MAP4K3: variants seen among roughly 807,000 people sequenced by gnomAD.
MAP4K3 encodes the protein MAPK/ERK kinase kinase kinase 3.
In MAP4K3, 94 loss-of-function variants were observed where a neutral mutation model predicts 143.5. The ratio of observed to expected loss-of-function variants is 0.65; its 90% confidence interval spans 0.55 to 0.78. MAP4K3 has a LOEUF of 0.78. Ranked by LOEUF, MAP4K3 falls within the 30% of genes least tolerant of loss-of-function variation. The pLI is 0.00. For synonymous variants in MAP4K3, 416 were observed against 347.2 expected (o/e 1.20, Z -2.20); for missense variants, 1,077 against 1,068.1 (o/e 1.01, Z -0.12).
At chr2:39,413,599 A>C (rs1255885161) in intron 1 of MAP4K3, among the ~76,000 whole-genome samples, 1 of 152,082 alleles carries the variant, frequency 6.6e-6, no homozygotes, top group Admixed American at 6.6e-5. Context: ...GCAAAGTAAA[A>C]AGGTAGAGGT....
At chr2:39,269,876 T>C (rs1680940108) in intron 26 of MAP4K3, among the ~76,000 whole-genome samples, 1 of 152,192 alleles carries the variant, frequency 6.6e-6, no homozygotes, top group South Asian at 2.1e-4. Context: ...TTTTACATTA[T>C]AACTTACAAT....
chr2:39,388,788 T>A (rs1473100741), intron 1 of MAP4K3, among the ~76,000 whole-genome samples: 1 of 152,216 alleles, frequency 6.6e-6, no homozygotes, highest in Non-Finnish European at 1.5e-5. Flanking sequence ...GAAATAAATT[T>A]AAGTTGTTTC....
At chr2:39,307,427 T>A (rs1259029666) in intron 15 of MAP4K3, among the ~76,000 whole-genome samples, 1 of 152,060 alleles carries the variant, frequency 6.6e-6, no homozygotes. Context: ...AAACTTCATC[T>A]GAGAATGATT....
chr2:39,346,603 C>T (rs1278444834), intron 3 of MAP4K3, among the ~76,000 whole-genome samples: 1 of 152,096 alleles, frequency 6.6e-6, no homozygotes, highest in African/African-American at 2.4e-5. Flanking sequence ...TGGAAATACA[C>T]CTCTCCACTC....
chr2:39,311,276 A>G (rs183538046), intron 13 of MAP4K3, among the ~76,000 whole-genome samples: 9 of 152,150 alleles, frequency 5.9e-5, no homozygotes, highest in Middle Eastern at 3.4e-3. Flanking sequence ...ATGGGCTTTC[A>G]CCATGTTGGC....
intron 1 of MAP4K3, among the ~76,000 whole-genome samples, chr2:39,417,362 G>C (rs1667412020): frequency 6.6e-6 from 1 of 152,090 alleles, no homozygotes; most frequent in Admixed American, 6.6e-5. Flanking sequence ...TGGGACTACA[G>C]GCGCCTGTCA....
intron 22 of MAP4K3, among the ~76,000 whole-genome samples, chr2:39,280,980 A>T (rs12624242): frequency 6.6e-6 from 1 of 152,076 alleles, no homozygotes; most frequent in Non-Finnish European, 1.5e-5. Flanking sequence ...TCAGATAATA[A>T]ATATATCATA....
At chr2:39,397,630 T>C (rs983676215) in intron 1 of MAP4K3, among the ~76,000 whole-genome samples, 4 of 152,298 alleles carry the variant, frequency 2.6e-5, no homozygotes, top group East Asian at 3.9e-4. Context: ...AAAGATCTTA[T>C]TGAAAAATAA....
At chr2:39,355,359 CAAA>C (rs34355105) in intron 3 of MAP4K3, among the ~76,000 whole-genome samples, 3 of 34,538 alleles carry the variant, frequency 8.7e-5, no homozygotes, top group Admixed American at 3.2e-4. Context: ...GACTCCACCT[CAAA>C]AAAAAAAAAA....
chr2:39,314,853 T>C (rs532763843), intron 13 of MAP4K3, among the ~76,000 whole-genome samples: 38 of 152,314 alleles, frequency 2.5e-4, no homozygotes, highest in African/African-American at 7.2e-4. Flanking sequence ...GAATCCCTTT[T>C]TAAAAGTTTC....
intron 8 of MAP4K3, among the ~76,000 whole-genome samples, chr2:39,331,568 C>T (rs1341657144): frequency 1.3e-5 from 2 of 151,912 alleles, no homozygotes; most frequent in Non-Finnish European, 2.9e-5. Context: ...AGATTAATCA[C>T]AATATGGACT....
At chr2:39,332,032 T>C in intron 7 of MAP4K3, 43 bp from the exon 8 acceptor site, 1 of 1,154,060 alleles carries the variant, frequency 8.7e-7, no homozygotes, top group East Asian at 2.4e-5. Context: ...TGAGAGAAAA[T>C]AAAATTGTTT....
chr2:39,416,616 G>C (rs1056490080), intron 1 of MAP4K3, among the ~76,000 whole-genome samples: 7 of 152,170 alleles, frequency 4.6e-5, no homozygotes, highest in Non-Finnish European at 1.0e-4. Context: ...TTTTCCTTTA[G>C]TGAGTATACA....
At chr2:39,328,913 T>C (rs1042377453) in intron 8 of MAP4K3, among the ~76,000 whole-genome samples, 1 of 152,168 alleles carries the variant, frequency 6.6e-6, no homozygotes, top group Non-Finnish European at 1.5e-5. Context: ...GTGTTTAATT[T>C]TGAGAACTGT....
At chr2:39,254,132 C>G (rs1232227028) in intron 32 of MAP4K3, among the ~76,000 whole-genome samples, 1 of 152,182 alleles carries the variant, frequency 6.6e-6, no homozygotes, top group Non-Finnish European at 1.5e-5. Flanking sequence ...AGCACTAGCA[C>G]TCTTGCTCCT....
In MAP4K3 at chr2:39,279,102, A is replaced by C. The variant is rs2148463347; in HGVS notation, c.1715-616T>G. On this transcript the variant is annotated intron_variant, in intron 23 of 33. Transcript: ENST00000263881. ...TTTATTAAAAAGACTTTAGAACAGG[A>C]AAGAAAGGAAAGAACACTTCCAAGA... is the stretch of plus-strand genomic sequence containing the variant. 1.3e-5 allele frequency among the ~76,000 whole-genome samples: 2 copies of C among 152,322 alleles called. 1 individual carries two copies. Among genetic ancestry groups the C allele is most frequent in the South Asian group, 4.1e-4 (2 of 4,830 alleles).
At chr2:39,275,696 G>A (rs1681220006) in intron 24 of MAP4K3, among the ~76,000 whole-genome samples, 1 of 151,658 alleles carries the variant, frequency 6.6e-6, no homozygotes, top group Non-Finnish European at 1.5e-5. Flanking sequence ...CTGTTCTTAG[G>A]CACTTTTCAG....
intron 1 of MAP4K3, among the ~76,000 whole-genome samples, chr2:39,392,099 C>T (rs571100610): frequency 2.2e-5 from 3 of 136,564 alleles, no homozygotes; most frequent in African/African-American, 8.1e-5. Context: ...GTAGGAGAAT[C>T]GCTTGAACCC....
chr2:39,364,781 T>C (rs973489590), intron 2 of MAP4K3, among the ~76,000 whole-genome samples: 10 of 151,294 alleles, frequency 6.6e-5, no homozygotes, highest in South Asian at 6.2e-4. Context: ...AGCAGGAGAA[T>C]TGCATAAACC....
Sources: allele counts gnomAD v4.1 joint callset (sites outside exome capture counted in the v4.1 genomes callset), GRCh38; gene constraint gnomAD v4.1.1; transcripts MANE v1.5; gene names NCBI Gene and HGNC (gene_info 2026-07-23, HGNC 2026-07-21).